Variants in CNTN5 observed in about 807,000 individuals in gnomAD.
CNTN5 encodes the protein contactin-5.
In CNTN5, 77 loss-of-function variants were observed where a neutral mutation model predicts 129.1. The observed-to-expected ratio is 0.60, with a 90% confidence interval of 0.50 to 0.72. CNTN5 has a LOEUF of 0.72. Among genes scored for constraint, CNTN5 ranks in the 30% least tolerant of loss-of-function variants. The pLI, the probability that CNTN5 is intolerant of heterozygous loss-of-function variation, is 0.00. For missense variants in CNTN5, 1,478 were observed against 1,328.8 expected (o/e 1.11, Z -1.75); for synonymous variants, 509 against 465.6 (o/e 1.09, Z -1.20).
intron 13 of CNTN5, among the ~76,000 whole-genome samples, chr11:100,179,672 T>C (rs967864859): frequency 3.3e-5 from 5 of 152,074 alleles, no homozygotes; most frequent in African/African-American, 1.2e-4. Flanking sequence ...ATTTACCTGA[T>C]TATACCTGAG....
chr11:100,340,457 T>A lies in CNTN5; in HGVS notation c.2731-6T>A, dbSNP rs940695635. 1 of 1,598,926 alleles carries A rather than the reference T, an allele frequency of 6.3e-7. No individual in the cohort carries two copies. The highest frequency in any genetic ancestry group is 1.3e-5 in the African/African-American group (1 of 74,430). On this transcript the variant is annotated splice_region_variant and splice_polypyrimidine_tract_variant and intron_variant, in intron 21 of 24. Transcript: ENST00000524871. The stretch of plus-strand genomic sequence containing the variant: ...ATTAACCTGCCATGTGATAATTTGT[T>A]GATAGGTTGGTTACTGGAAAGACAT...
intron 3 of CNTN5, among the ~76,000 whole-genome samples, chr11:99,774,285 C>A (rs1052588529): frequency 3.9e-4 from 59 of 150,898 alleles, no homozygotes; most frequent in African/African-American, 5.1e-4. Context: ...AAAAAAAAAA[C>A]CAAGTAATTT....
chr11:100,234,792 TAAAAAAAAAAAAA>T (rs781363668), intron 16 of CNTN5, among the ~76,000 whole-genome samples: 1 of 102,066 alleles, frequency 9.8e-6, no homozygotes, highest in Non-Finnish European at 1.9e-5. Flanking sequence ...TCCCAGAATT[TAAAAAAAAAAAAA>T]AAAAAAAAAA....
chr11:99,769,707 C>T (rs531365901), intron 3 of CNTN5, among the ~76,000 whole-genome samples: 138 of 151,442 alleles, frequency 9.1e-4, no homozygotes, highest in Non-Finnish European at 1.7e-3. Flanking sequence ...CCAGCTACTT[C>T]GGAGGCTGAG....
intron 2 of CNTN5, among the ~76,000 whole-genome samples, chr11:99,371,873 G>A (rs898893015): frequency 6.6e-6 from 1 of 152,184 alleles, no homozygotes; most frequent in Non-Finnish European, 1.5e-5. Flanking sequence ...AGACAGCTAA[G>A]TTTAAACAGG....
intron 2 of CNTN5, among the ~76,000 whole-genome samples, chr11:99,358,902 A>T (rs1023430984): frequency 1.4e-4 from 21 of 152,164 alleles, no homozygotes; most frequent in African/African-American, 5.1e-4. Flanking sequence ...CTTTATAGGA[A>T]AAAAAAGTAA....
chr11:99,400,229 A>G (rs574918940), intron 2 of CNTN5, among the ~76,000 whole-genome samples: 145 of 151,990 alleles, frequency 9.5e-4, no homozygotes, highest in South Asian at 7.9e-3. Flanking sequence ...CAAGGGTTCA[A>G]TAGTTTTGAT....
intron 3 of CNTN5, among the ~76,000 whole-genome samples, chr11:99,665,880 A>G (rs551667643): frequency 2.5e-4 from 38 of 152,278 alleles, no homozygotes; most frequent in African/African-American, 9.1e-4. Flanking sequence ...TTTTCTAATC[A>G]TTCTCCTATA....
chr11:99,511,541 T>C (rs1268301168), intron 2 of CNTN5, among the ~76,000 whole-genome samples: 2 of 152,180 alleles, frequency 1.3e-5, no homozygotes, highest in Admixed American at 6.5e-5. Flanking sequence ...TGGAGAGTTC[T>C]GTAGATGTCT....
intron 6 of CNTN5, among the ~76,000 whole-genome samples, chr11:99,901,427 A>G (rs1206304453): frequency 1.3e-5 from 2 of 151,978 alleles, no homozygotes; most frequent in Non-Finnish European, 2.9e-5. Context: ...AGTAGCTAGG[A>G]TTACAGGTGT....
intron 1 of CNTN5, among the ~76,000 whole-genome samples, chr11:99,190,507 TA>T (rs1858583198): frequency 6.6e-6 from 1 of 151,758 alleles, no homozygotes; most frequent in Admixed American, 6.6e-5. Flanking sequence ...ATTTTCATAT[TA>T]TTAATTATTG....
At chr11:99,475,738 A>G (rs886226399) in intron 2 of CNTN5, among the ~76,000 whole-genome samples, 2 of 151,984 alleles carry the variant, frequency 1.3e-5, no homozygotes, top group Non-Finnish European at 2.9e-5. Flanking sequence ...TAAGTTTCTA[A>G]TTCTAATAAT....
chr11:100,171,487 G>C (rs1947824717), intron 13 of CNTN5, among the ~76,000 whole-genome samples: 1 of 151,924 alleles, frequency 6.6e-6, no homozygotes, highest in Admixed American at 6.6e-5. Flanking sequence ...ATACTGTCAG[G>C]CTTCATGTCC....
At chr11:99,931,660 A>G (rs1026355582) in intron 7 of CNTN5, among the ~76,000 whole-genome samples, 2 of 152,230 alleles carry the variant, frequency 1.3e-5, no homozygotes, top group African/African-American at 4.8e-5. Context: ...ATTAGTGGGA[A>G]TAACTAGTGT....
chr11:99,427,367 T>G (rs900406760), intron 2 of CNTN5, among the ~76,000 whole-genome samples: 1 of 152,182 alleles, frequency 6.6e-6, no homozygotes, highest in East Asian at 1.9e-4. Flanking sequence ...TTACAAAAAC[T>G]GATGAAAAAC....
intron 1 of CNTN5, among the ~76,000 whole-genome samples, chr11:99,136,836 G>A (rs560586711): frequency 1.9e-3 from 295 of 151,948 alleles, no homozygotes; most frequent in Non-Finnish European, 3.0e-3. Flanking sequence ...ATGAATTTTG[G>A]CAGACACCAA....
intron 1 of CNTN5, among the ~76,000 whole-genome samples, chr11:99,287,129 A>T (rs12284494): frequency 0.043 from 6,594 of 152,240 alleles, 469 homozygotes; most frequent in African/African-American, 0.15. Flanking sequence ...GTGCTCTTTC[A>T]TTGGAAACAT....
At chr11:99,937,631 G>A (rs1950344679) in intron 7 of CNTN5, among the ~76,000 whole-genome samples, 1 of 152,164 alleles carries the variant, frequency 6.6e-6, no homozygotes. Context: ...GACGGAAGGA[G>A]AAAAGGGAAA....
chr11:100,110,289 A>T (rs1371740770), intron 13 of CNTN5, among the ~76,000 whole-genome samples: 1 of 151,770 alleles, frequency 6.6e-6, no homozygotes, highest in Non-Finnish European at 1.5e-5. Context: ...AATTTTTAGC[A>T]TTTAAGTAAA....
Sources: gnomAD v4.1 joint callset for allele counts (sites outside exome capture counted in the v4.1 genomes callset) on GRCh38, gnomAD v4.1.1 for gene constraint, MANE v1.5 for transcripts, NCBI Gene and HGNC (gene_info 2026-07-23, HGNC 2026-07-21) for gene names.